The following PCDHGA2 variants were observed in gnomAD, a reference collection of about 807,000 sequenced individuals.
The protein encoded by PCDHGA2 is protocadherin gamma-A2.
A neutral mutation model predicts 59.2 loss-of-function variants in PCDHGA2; 40 were observed. That is an observed-to-expected ratio of 0.68 (90% CI 0.52 to 0.88). The LOEUF is 0.88. Ranked by LOEUF, PCDHGA2 falls within the 40% of genes least tolerant of loss-of-function variation. The pLI is 0.00. For missense variants in PCDHGA2, 1,226 were observed against 1,204.0 expected (o/e 1.02, Z -0.27); for synonymous variants, 560 against 526.0 (o/e 1.06, Z -0.89).
rs941528168 is a variant in PCDHGA2, at chr5:141,476,433, T to C, written c.2425-18374T>C. 2 of 1,614,094 alleles carry C rather than the reference T, an allele frequency of 1.2e-6. No individual in the cohort carries two copies. The highest frequency in any genetic ancestry group is 2.2e-5 in the East Asian group (1 of 44,856). ...TGTGGGACACTGCCCTCTTGCACTGTAACTCTGGAGTTGGTAGTGGAGAAC... is the reference window on the plus strand; with the variant it reads ...TGTGGGACACTGCCCTCTTGCACTGCAACTCTGGAGTTGGTAGTGGAGAAC... On this transcript the variant is annotated intron_variant, in intron 1 of 3. Coordinates refer to ENST00000394576, the MANE Select transcript of PCDHGA2 (RefSeq NM_018915.4). This position sits in a 1 kb window ranked among gnomAD's most constrained non-coding sequence, Gnocchi z 7.6.
At chr5:141,446,669 C>T (rs554578186) in intron 1 of PCDHGA2, among the ~76,000 whole-genome samples, 2 of 152,182 alleles carry the variant, frequency 1.3e-5, no homozygotes, top group Admixed American at 1.3e-4. Flanking sequence ...TACAAGACAG[C>T]ATTTCACCAT....
At chr5:141,384,790 G>T (rs999175494) in intron 1 of PCDHGA2, 2 of 1,613,416 alleles carry the variant, frequency 1.2e-6, no homozygotes, top group African/African-American at 2.7e-5. Flanking sequence ...CACGGCTCGG[G>T]CCCTGCTGGA....
At chr5:141,372,376 AC>A (rs1371288225) in intron 1 of PCDHGA2, 1 of 1,613,960 alleles carries the variant, frequency 6.2e-7, no homozygotes, top group Admixed American at 1.7e-5. Flanking sequence ...GTCATGCTGC[AC>A]CTAATCTTCG....
In PCDHGA2 at chr5:141,489,126, T is replaced by C; in HGVS notation, c.2425-5681T>C. ...TGCAAGCAGGCAAACCTCCGAGCAG[T>C]TTTTAAGAGGCTGGAAGGAGACATA... On this transcript the variant is annotated intron_variant, in intron 1 of 3. Coordinates refer to ENST00000394576, the MANE Select transcript of PCDHGA2 (RefSeq NM_018915.4). This position sits in a 1 kb window ranked among gnomAD's most constrained non-coding sequence, Gnocchi z 4.5. 1.7e-6 allele frequency: 1 copy of C among 585,136 alleles called. No individual in the cohort carries two copies. Among genetic ancestry groups the C allele is most frequent in the South Asian group, 3.2e-5 (1 of 31,406 alleles). The allele number at this position is 585,136 out of a possible 1,614,324, so 36.2% of individuals were successfully genotyped here. A position where few individuals can be genotyped will look rare whatever the true frequency, so the allele number is the denominator to read the frequency against.
chr5:141,400,011 G>A (rs200842238), intron 1 of PCDHGA2: 35 of 1,612,624 alleles, frequency 2.2e-5, no homozygotes, highest in African/African-American at 4.0e-5. Context: ...CGCGTGCCTT[G>A]GGCGACAGGG....
At position 141,431,392 on chromosome 5, in the gene PCDHGA2, C is replaced by T. The variant is rs572129534; in HGVS notation, c.2425-63415C>T. 3 of 1,613,888 alleles carry T rather than the reference C, an allele frequency of 1.9e-6. No homozygotes were observed. Among genetic ancestry groups the T allele is most frequent in the Non-Finnish European group, 2.5e-6 (3 of 1,180,048 alleles). On this transcript the variant is annotated intron_variant, in intron 1 of 3. Transcript: ENST00000394576. The surrounding 1 kb of genome is among the most constrained non-coding windows in gnomAD (Gnocchi z 4.8). ...AAGAAAAGGCTGCTCACCACCTGGT[C>T]CTTACGGCCTCCGACGGGGGCGACC... is the stretch of plus-strand genomic sequence containing the variant.
intron 1 of PCDHGA2, chr5:141,351,461 G>GTGAT (rs1395703699): frequency 6.2e-7 from 1 of 1,613,452 alleles, no homozygotes. Flanking sequence ...TTACAAGCTG[G>GTGAT]TGATTGCTGG....
chr5:141,339,269 G>T lies in PCDHGA2; in HGVS notation c.298G>T (p.Ala100Ser), dbSNP rs373238461. Reference sequence around the variant, plus strand: ...CCGGGAGGAGCTCTGCGCTCAGAGCGCACCCTGTCTGTTGAATTTTAACAT... The same window carrying T: ...CCGGGAGGAGCTCTGCGCTCAGAGCTCACCCTGTCTGTTGAATTTTAACAT... Reference protein sequence around the residue: ...IDREELCAQSAPCLLNFNILL... With the variant: ...IDREELCAQSSPCLLNFNILL... The change falls in exon 1 of 4, where the codon GCA becomes TCA. Residue 100 changes from alanine to serine, a missense_variant. Coordinates refer to ENST00000394576, the MANE Select transcript of PCDHGA2 (RefSeq NM_018915.4). 4 of 1,614,054 alleles carry T rather than the reference G, an allele frequency of 2.5e-6. No homozygotes were observed. The African/African-American group carries it at 5.3e-5, about 22-fold the overall frequency.
chr5:141,399,430 A>G (rs758530359), intron 1 of PCDHGA2: 12 of 1,614,016 alleles, frequency 7.4e-6, no homozygotes, highest in Non-Finnish European at 1.0e-5. Context: ...CATAAGCGTC[A>G]TCCTACATAT....
rs560582745 is a variant in PCDHGA2 at position 141,399,792 on chromosome 5, A to C, written c.2424+58397A>C. On this transcript the variant is annotated intron_variant, in intron 1 of 3. Transcript: ENST00000394576. ...TGGTGGGCGACCGAAACGACAACGCACCGCGGGTGCTGTACCCCGCGCTGG... is the reference window on the plus strand; with the variant it reads ...TGGTGGGCGACCGAAACGACAACGCCCCGCGGGTGCTGTACCCCGCGCTGG... 8 of 1,613,146 alleles carry C rather than the reference A, an allele frequency of 5.0e-6. No homozygotes were observed. The South Asian group carries it at 8.8e-5, about 18-fold the overall frequency.
At chr5:141,384,434 G>A in intron 1 of PCDHGA2, 1 of 1,614,024 alleles carries the variant, frequency 6.2e-7, no homozygotes, top group Non-Finnish European at 8.5e-7. Flanking sequence ...TCTGACACTG[G>A]AGTCCTGTAC....
intron 1 of PCDHGA2, chr5:141,415,110 C>A: frequency 6.2e-7 from 1 of 1,613,666 alleles, no homozygotes; most frequent in Middle Eastern, 1.7e-4. Flanking sequence ...TCAAGCAAAG[C>A]CTCGTAGTGG....
chr5:141,495,943 CTGT>C (rs1324780860), intron 2 of PCDHGA2, among the ~76,000 whole-genome samples: 1 of 152,010 alleles, frequency 6.6e-6, no homozygotes, highest in Non-Finnish European at 1.5e-5. Flanking sequence ...GTCTCTGTGC[CTGT>C]TGTCTTTTTC....
intron 3 of PCDHGA2, among the ~76,000 whole-genome samples, chr5:141,508,789 A>C: frequency 1.4e-5 from 2 of 145,944 alleles, no homozygotes; most frequent in African/African-American, 2.6e-5. Context: ...CCCCTAAATC[A>C]CTCTGGAATC....
chr5:141,506,994 G>A (rs1053891468), intron 3 of PCDHGA2: 1 of 152,126 alleles, frequency 6.6e-6, no homozygotes, highest in Non-Finnish European at 1.5e-5. Context: ...TCTCACACTC[G>A]ACAGATGAGA....
At position 141,375,371 on chromosome 5, in the gene PCDHGA2, C is replaced by A. The variant is rs776202756; in HGVS notation, c.2424+33976C>A. On this transcript the variant is annotated intron_variant, in intron 1 of 3. Coordinates refer to ENST00000394576, the MANE Select transcript of PCDHGA2 (RefSeq NM_018915.4). ...TGTGACAGCCACGGACAAAGGAACA[C>A]CACCTCTGTCTACAGAAACAATCAT... is the stretch of plus-strand genomic sequence containing the variant. 6.2e-7 allele frequency: 1 copy of A among 1,613,880 alleles called. No individual in the cohort carries two copies. The highest frequency in any genetic ancestry group is 1.3e-5 in the African/African-American group (1 of 75,046).
At chr5:141,370,421 C>T in intron 1 of PCDHGA2, 1 of 1,580,640 alleles carries the variant, frequency 6.3e-7, no homozygotes. Flanking sequence ...GATGGAGGGG[C>T]CCAGCAGGGC....
rs777121812 is a variant in PCDHGA2, at chr5:141,355,953, T to C, written c.2424+14558T>C. ...CTCAGCCCGAGTACCACGTAAGTGT[T>C]CGTGAGAACGTTCCTGTAGGCACTC... On this transcript the variant is annotated intron_variant, in intron 1 of 3. Transcript: ENST00000394576. 1.4e-5 allele frequency: 22 copies of C among 1,613,776 alleles called. No individual in the cohort carries two copies. The African/African-American group carries it at 2.9e-4, about 22-fold the overall frequency.
At position 141,361,783 on chromosome 5, in the gene PCDHGA2, G is replaced by C. The variant is rs375966726; in HGVS notation, c.2424+20388G>C. ...GCTCAGCGCCAACGTGAGCCTGCGC[G>C]TGTTAGTGGGCGACCTCAATGACAA... On this transcript the variant is annotated intron_variant, in intron 1 of 3. Transcript: ENST00000394576. 68 of 1,613,126 alleles carry C rather than the reference G, an allele frequency of 4.2e-5. No homozygotes were observed. In the African/African-American group the frequency reaches 5.5e-4, roughly 13 times the overall value.
Sources: allele counts gnomAD v4.1 joint callset (sites outside exome capture counted in the v4.1 genomes callset), GRCh38; gene constraint gnomAD v4.1.1; non-coding constraint Gnocchi (gnomAD v3.1); transcripts MANE v1.5; gene names NCBI Gene and HGNC (gene_info 2026-07-23, HGNC 2026-07-21).